RHOT1: variants seen among roughly 807,000 people sequenced by gnomAD.
RHOT1 encodes mitochondrial Rho GTPase 1.
RHOT1 carries 27 observed loss-of-function variants against 95.3 expected under a neutral mutation model. The observed-to-expected ratio is 0.28, with a 90% CI of 0.21 to 0.39. RHOT1 has a LOEUF of 0.39. Among genes scored for constraint, RHOT1 ranks in the 10% least tolerant of loss-of-function variants. RHOT1 has a pLI of 1.00. For synonymous variants in RHOT1, 227 were observed against 263.5 expected (o/e 0.86, Z 1.34); for missense variants, 578 against 786.7 (o/e 0.73, Z 3.17).
chr17:32,202,057 A>G (rs771429620), intron 14 of RHOT1, among the ~76,000 whole-genome samples: 7 of 152,114 alleles, frequency 4.6e-5, no homozygotes, highest in Non-Finnish European at 1.0e-4. Flanking sequence ...GACTACAGGC[A>G]TGCACCACCA....
chr17:32,171,087 G>T lies in RHOT1; in HGVS notation c.82G>T (p.Glu28Ter), dbSNP rs757113468. 1 of 1,597,412 alleles carries T rather than the reference G, an allele frequency of 6.3e-7. No individual in the cohort carries two copies. The highest frequency in any genetic ancestry group is 8.5e-7 in the Non-Finnish European group (1 of 1,170,798). ...ACTGATTATGTCTCTGGTCAGTGAAGAATTTCCAGAAGAGGTAAACATTTT... is the reference window on the plus strand; with the variant it reads ...ACTGATTATGTCTCTGGTCAGTGAATAATTTCCAGAAGAGGTAAACATTTT... ...TSLIMSLVSE[E>*]FPEEVPPRAE... is the part of the protein sequence containing the mutation. Residue 28 changes from glutamate to a stop codon, truncating the protein, a stop_gained, in exon 2 of 20, where the codon GAA (glutamate) becomes TAA (stop). Coordinates refer to ENST00000545287, the MANE Select transcript of RHOT1 (RefSeq NM_001033566.3). LOFTEE classifies it high-confidence loss of function.
intron 1 of RHOT1, among the ~76,000 whole-genome samples, chr17:32,144,059 A>G (rs2142327465): frequency 6.6e-6 from 1 of 152,192 alleles, no homozygotes; most frequent in South Asian, 2.1e-4. Flanking sequence ...CTTAATCTGT[A>G]TTTTTCATGG....
At chr17:32,209,633 GT>G in intron 18 of RHOT1, 1 of 453,554 alleles carries the variant, frequency 2.2e-6, no homozygotes, top group East Asian at 3.7e-5. Flanking sequence ...CTTTAATCTT[GT>G]GATTACAGTA....
intron 19 of RHOT1, among the ~76,000 whole-genome samples, chr17:32,218,187 A>C (rs1167418315): frequency 3.3e-5 from 5 of 151,948 alleles, no homozygotes; most frequent in Non-Finnish European, 1.5e-5. Context: ...TTTTAAGTGG[A>C]ATATTTGAAA....
intron 6 of RHOT1, chr17:32,178,871 G>A: frequency 6.8e-6 from 1 of 147,622 alleles, no homozygotes; most frequent in Non-Finnish European, 1.4e-5. Context: ...CCTCTGCCCG[G>A]CCGCCACCCC....
intron 6 of RHOT1, chr17:32,179,648 G>C (rs2035414789): frequency 6.9e-6 from 1 of 144,470 alleles, no homozygotes; most frequent in Non-Finnish European, 1.5e-5. Flanking sequence ...CGTCTGGGAG[G>C]TGAGGAGCGT....
chr17:32,194,919 G>A (rs909138614), intron 11 of RHOT1, among the ~76,000 whole-genome samples: 2 of 143,672 alleles, frequency 1.4e-5, no homozygotes, highest in African/African-American at 5.1e-5. Context: ...ACCTCCCACC[G>A]CGTTTAAGCG....
chr17:32,211,224 T>G lies in RHOT1; in HGVS notation c.1848T>G (p.Thr616=). ...AATCTGTAAAGAACAAAATCTTCACTGCAGTTCTTAACAGGTTCTTAACTT... is the reference window on the plus strand; with the variant it reads ...AATCTGTAAAGAACAAAATCTTCACGGCAGTTCTTAACAGGTTCTTAACTT... ...LLQSVKNKIF[T]AVLNRHVTQA... is the part of the protein sequence containing the mutation. Residue 616 remains threonine, a synonymous_variant, in exon 19 of 20, where the codon ACT becomes ACG. Transcript: ENST00000545287. The G allele has an allele frequency of 6.2e-7, 1 of 1,610,100 alleles. No individual in the cohort carries two copies. The highest frequency in any genetic ancestry group is 8.5e-7 in the Non-Finnish European group (1 of 1,177,120).
chr17:32,222,706 C>T, intron 19 of RHOT1: 1 of 212,936 alleles, frequency 4.7e-6, no homozygotes, highest in Non-Finnish European at 8.1e-6. Context: ...TTTTGAGTCC[C>T]TTTTTTTGTG....
intron 19 of RHOT1, among the ~76,000 whole-genome samples, chr17:32,218,798 A>T (rs1270366297): frequency 6.6e-6 from 1 of 152,192 alleles, no homozygotes; most frequent in African/African-American, 2.4e-5. Context: ...TGGGTGATAG[A>T]GTGAGACCCT....
chr17:32,209,036 A>T, intron 18 of RHOT1: 1 of 162,460 alleles, frequency 6.2e-6, no homozygotes, highest in African/African-American at 2.4e-5. Context: ...AGGACTTTAT[A>T]GCTTATTCTA....
chr17:32,223,986 A>G (rs988101720), intron 19 of RHOT1, among the ~76,000 whole-genome samples: 2 of 152,144 alleles, frequency 1.3e-5, no homozygotes, highest in Admixed American at 1.3e-4. Context: ...AGTTGGTATC[A>G]TTATCACTGC....
intron 1 of RHOT1, among the ~76,000 whole-genome samples, chr17:32,161,972 T>A (rs1048881523): frequency 2.0e-4 from 31 of 152,144 alleles, no homozygotes; most frequent in African/African-American, 7.2e-4. Flanking sequence ...CTCTGTAGGG[T>A]CAGGGTGCAC....
chr17:32,197,765 G>A (rs758781193), intron 11 of RHOT1, among the ~76,000 whole-genome samples: 1 of 151,962 alleles, frequency 6.6e-6, no homozygotes, highest in Non-Finnish European at 1.5e-5. Flanking sequence ...TAGAGACGGG[G>A]TTTTACCATG....
chr17:32,202,399 T>G (rs776809034), intron 14 of RHOT1, among the ~76,000 whole-genome samples: 3 of 152,244 alleles, frequency 2.0e-5, no homozygotes, highest in East Asian at 3.8e-4. Flanking sequence ...GTTTATAATA[T>G]GTGACAGTTT....
In RHOT1 at chr17:32,225,589, A is replaced by T. The variant is rs1353320172; in HGVS notation, c.*856A>T. On this transcript the variant is annotated 3_prime_UTR_variant, in exon 20 of 20. Transcript: ENST00000545287. ...CTGCATGTGTCACCAAGTGTTCTATATCAGGCTAGGATAACCTAGAGGCAG... is the reference window on the plus strand; with the variant it reads ...CTGCATGTGTCACCAAGTGTTCTATTTCAGGCTAGGATAACCTAGAGGCAG... 6.6e-6 allele frequency: 1 copy of T among 152,568 alleles called. No individual in the cohort carries two copies. Among genetic ancestry groups the T allele is most frequent in the Admixed American group, 6.5e-5 (1 of 15,272 alleles). The allele number at this position is 152,568 out of a possible 1,614,324, so 9.5% of individuals were successfully genotyped here.
In RHOT1 at chr17:32,152,983, G is replaced by A. The variant is rs553861713; in HGVS notation, c.37+10254G>A. Among the ~76,000 whole-genome samples the A allele has an allele frequency of 6.6e-5, 10 of 152,076 alleles. No individual in the cohort carries two copies. In the South Asian group the frequency reaches 1.2e-3, roughly 19 times the overall value. ...TGCCTGGCTAATTTTTAAATTTTTT[G>A]TAGAGATAGAGTTTCACCATGTTGT... On this transcript the variant is annotated intron_variant, in intron 1 of 19. Coordinates refer to ENST00000545287, the MANE Select transcript of RHOT1 (RefSeq NM_001033566.3).
rs368654873 is a variant in RHOT1, at chr17:32,206,929, C to G, written c.1436C>G (p.Ser479Trp). ...TACAAGTTGCATGATATCTCAGAATCGGAATTTCTAACTGAAGCTGAAATC... is the reference window on the plus strand; with the variant it reads ...TACAAGTTGCATGATATCTCAGAATGGGAATTTCTAACTGAAGCTGAAATC... ...KYLLLHDISE[S>W]EFLTEAEIIC... The change falls in exon 17 of 20, where the codon TCG (serine) becomes TGG (tryptophan). Residue 479 changes from serine to tryptophan, a missense_variant. This residue lies in a region of RHOT1 where 296 missense variants were observed against 338.5 expected (regional missense o/e 0.87). Coordinates refer to ENST00000545287, the MANE Select transcript of RHOT1 (RefSeq NM_001033566.3). 1.3e-6 allele frequency: 2 copies of G among 1,593,396 alleles called. No individual in the cohort carries two copies. The highest frequency in any genetic ancestry group is 1.7e-6 in the Non-Finnish European group (2 of 1,163,512).
intron 18 of RHOT1, chr17:32,209,268 G>T: frequency 1.5e-6 from 1 of 645,948 alleles, no homozygotes; most frequent in Non-Finnish European, 2.5e-6. Flanking sequence ...TCGAAGACAA[G>T]TCATTCCTAT....
Sources: allele counts gnomAD v4.1 joint callset (sites outside exome capture counted in the v4.1 genomes callset), GRCh38; gene constraint gnomAD v4.1.1; regional missense constraint gnomAD v4.1.1; transcripts MANE v1.5; gene names NCBI Gene and HGNC (gene_info 2026-07-23, HGNC 2026-07-21).